Variants in FTO observed in about 807,000 individuals in gnomAD.
FTO encodes the protein FTO alpha-ketoglutarate dependent dioxygenase, also known as alpha-ketoglutarate-dependent dioxygenase FTO.
Under a neutral mutation model 63.9 loss-of-function variants are expected in FTO, and 47 were observed. The ratio of observed to expected loss-of-function variants is 0.74; its 90% CI spans 0.58 to 0.94. The LOEUF (loss-of-function observed/expected upper bound fraction) is 0.94, where lower values mean the gene tolerates loss of function less well. Ranked by LOEUF, FTO falls within the 40% of genes least tolerant of loss-of-function variation. The pLI is 0.00. For missense variants in FTO, 562 were observed against 618.1 expected, an observed-to-expected ratio of 0.91 and a Z score of 0.96; for synonymous variants, 207 against 224.4, an observed-to-expected ratio of 0.92 and a Z score of 0.69.
intron 7 of FTO, among the ~76,000 whole-genome samples, chr16:53,914,519 T>C (rs2081809328): frequency 6.6e-6 from 1 of 152,166 alleles, no homozygotes; most frequent in Admixed American, 6.5e-5. Flanking sequence ...GTCAAGTCCC[T>C]ATAAGATCTG....
At chr16:53,931,311 T>TC in intron 7 of FTO, among the ~76,000 whole-genome samples, 1 of 149,634 alleles carries the variant, frequency 6.7e-6, no homozygotes. Context: ...TTTTTTTTTT[T>TC]TTTTTTTTTT....
chr16:53,846,083 A>C (rs2079611817), intron 4 of FTO, among the ~76,000 whole-genome samples: 2 of 151,900 alleles, frequency 1.3e-5, no homozygotes, highest in South Asian at 4.1e-4. Flanking sequence ...GATCTTCCTA[A>C]AGTCACTTAG....
chr16:53,933,960 C>G, intron 7 of FTO, 25 bp from the exon 8 acceptor site: 1 of 1,609,232 alleles, frequency 6.2e-7, no homozygotes, highest in Non-Finnish European at 8.5e-7. Context: ...CTTTTTCTTT[C>G]TCTGTTTTGG....
Position 53,844,286 on chromosome 16 carries a change from T to A in FTO, c.883T>A (p.Tyr295Asn). Residue 295 changes from tyrosine (Y) to asparagine (N), a missense_variant, in exon 4 of 9, where the codon TAT (tyrosine) becomes AAT (asparagine). Tyr to Asn is a moderately radical substitution (Grantham distance 143). Coordinates refer to ENST00000471389, the MANE Select transcript of FTO (RefSeq NM_001080432.3). ...GATACCCCTTCACCAAGGAGACTGC[T>A]ATTTCATGCTTGGTAATCTTTGGAA... Reference protein sequence around the residue: ...LAIPLHQGDCYFMLDDLNATH... With the variant: ...LAIPLHQGDCNFMLDDLNATH... 6.2e-7 allele frequency: 1 copy of A among 1,613,038 alleles called. No individual in the cohort carries two copies. The highest frequency in any genetic ancestry group is 8.5e-7 in the Non-Finnish European group (1 of 1,179,002).
At chr16:53,812,325 C>T (rs2078555600) in intron 2 of FTO, among the ~76,000 whole-genome samples, 1 of 150,726 alleles carries the variant, frequency 6.6e-6, no homozygotes, top group African/African-American at 2.4e-5. Flanking sequence ...GGCTGGAGTG[C>T]AGTGGCGCGA....
intron 4 of FTO, among the ~76,000 whole-genome samples, chr16:53,851,914 C>T (rs563998975): frequency 1.3e-4 from 20 of 152,034 alleles, no homozygotes; most frequent in Middle Eastern, 6.8e-3. Flanking sequence ...ACTGTATTTG[C>T]GTTTTATTCT....
intron 3 of FTO, among the ~76,000 whole-genome samples, chr16:53,835,590 C>T (rs145563582): frequency 1.8e-4 from 27 of 152,000 alleles, no homozygotes; most frequent in African/African-American, 5.8e-4. Context: ...GCTTTTATGT[C>T]GCTTTTTTTG....
At chr16:53,976,192 C>A (rs1183754868) in intron 8 of FTO, among the ~76,000 whole-genome samples, 1 of 152,130 alleles carries the variant, frequency 6.6e-6, no homozygotes, top group Non-Finnish European at 1.5e-5. Context: ...TTAAGATCAA[C>A]TTTCTTTAAA....
intron 1 of FTO, among the ~76,000 whole-genome samples, chr16:53,738,905 A>T (rs2076456848): frequency 6.6e-6 from 1 of 151,984 alleles, no homozygotes; most frequent in Admixed American, 6.6e-5. Context: ...CAGTGGCAAG[A>T]TCATGATTCA....
At chr16:53,906,679 G>C (rs150896582) in intron 7 of FTO, among the ~76,000 whole-genome samples, 5 of 152,178 alleles carry the variant, frequency 3.3e-5, no homozygotes, top group Non-Finnish European at 5.9e-5. Context: ...GGATGGACAT[G>C]AGAAAAGAGT....
chr16:54,000,375 A>G (rs1330466649), intron 8 of FTO, among the ~76,000 whole-genome samples: 1 of 152,204 alleles, frequency 6.6e-6, no homozygotes. Flanking sequence ...TGAGGGGGGA[A>G]ATCTTCTTGG....
chr16:53,759,688 CTT>C (rs2077001810), intron 1 of FTO, among the ~76,000 whole-genome samples: 3 of 121,574 alleles, frequency 2.5e-5, no homozygotes, highest in East Asian at 2.4e-4. Context: ...AAAAAGACTC[CTT>C]CTCAAAAAAA....
At chr16:53,945,021 C>G (rs930872756) in intron 8 of FTO, among the ~76,000 whole-genome samples, 35 of 152,178 alleles carry the variant, frequency 2.3e-4, no homozygotes, top group African/African-American at 7.7e-4. Context: ...GAGGGCTGGA[C>G]TCCAGTTTGA....
intron 1 of FTO, among the ~76,000 whole-genome samples, chr16:53,774,779 C>G (rs1392741423): frequency 6.6e-6 from 1 of 152,076 alleles, no homozygotes; most frequent in East Asian, 1.9e-4. Context: ...ATCTGTCACA[C>G]TCGGGAAGGG....
intron 8 of FTO, among the ~76,000 whole-genome samples, chr16:54,110,844 A>G (rs1281468504): frequency 6.6e-6 from 1 of 152,216 alleles, no homozygotes; most frequent in Non-Finnish European, 1.5e-5. Flanking sequence ...CACGTACTCC[A>G]GGAGAGTCGA....
chr16:53,985,919 A>G (rs2083656542), intron 8 of FTO, among the ~76,000 whole-genome samples: 1 of 152,250 alleles, frequency 6.6e-6, no homozygotes, highest in Non-Finnish European at 1.5e-5. Context: ...CACTAGTTTT[A>G]GCAGAGATGT....
intron 1 of FTO, among the ~76,000 whole-genome samples, chr16:53,707,098 C>T (rs2075641884): frequency 6.6e-6 from 1 of 152,178 alleles, no homozygotes; most frequent in South Asian, 2.1e-4. Context: ...CAAGTTACCA[C>T]AAACTTGGTG....
intron 8 of FTO, among the ~76,000 whole-genome samples, chr16:53,950,072 AT>A (rs71146713): frequency 1.3e-3 from 175 of 130,080 alleles, no homozygotes; most frequent in African/African-American, 3.2e-3. Context: ...TTATTTAAAC[AT>A]TTTTTTTTTT....
At chr16:53,781,074 C>T (rs2077576048) in intron 1 of FTO, among the ~76,000 whole-genome samples, 1 of 152,180 alleles carries the variant, frequency 6.6e-6, no homozygotes, top group South Asian at 2.1e-4. Context: ...AACTGTGCCC[C>T]TAGAGCTTAG....
Sources: gnomAD v4.1 joint callset for allele counts (sites outside exome capture counted in the v4.1 genomes callset) on GRCh38, gnomAD v4.1.1 for gene constraint, MANE v1.5 for transcripts, NCBI Gene and HGNC (gene_info 2026-07-23, HGNC 2026-07-21) for gene names.